NDRG2: variants seen among roughly 807,000 people sequenced by gnomAD.
The protein encoded by NDRG2 is protein NDRG2.
NDRG2 carries 34 observed loss-of-function variants against 58.2 expected under a neutral mutation model. The observed-to-expected ratio is 0.58, with a 90% CI of 0.44 to 0.78. The LOEUF (loss-of-function observed/expected upper bound fraction) is 0.78, where lower values mean the gene tolerates loss of function less well. Ranked by LOEUF, NDRG2 falls within the 30% of genes least tolerant of loss-of-function variation. The pLI is 0.00. For missense variants in NDRG2, 434 were observed against 471.2 expected (o/e 0.92, Z 0.73); for synonymous variants, 187 against 175.9 (o/e 1.06, Z -0.50).
At chr14:21,060,726 T>C (rs1291411960) in intron 1 of NDRG2, among the ~76,000 whole-genome samples, 1 of 151,482 alleles carries the variant, frequency 6.6e-6, no homozygotes, top group East Asian at 1.9e-4. Flanking sequence ...TCTGCCTGGC[T>C]TCCAAACCTG....
intron 1 of NDRG2, among the ~76,000 whole-genome samples, chr14:21,052,646 G>T (rs753391162): frequency 2.0e-5 from 3 of 152,188 alleles, no homozygotes; most frequent in Non-Finnish European, 4.4e-5. Flanking sequence ...TGGGTAGACT[G>T]GACGCAAGGT....
intron 4 of NDRG2, 31 bp downstream of exon 4, chr14:21,022,361 A>T: frequency 3.1e-6 from 5 of 1,591,958 alleles, no homozygotes; most frequent in Non-Finnish European, 4.3e-6. Flanking sequence ...CTCTTCCCAG[A>T]CAGGAGTGGG....
Position 21,017,631 on chromosome 14 carries a change from C to T in NDRG2, c.1081G>A (p.Gly361Arg). ...ACCTCCATGGTGTGCCCCGGGGGCCCCGAAGAAAGAGTTCCAGACTCGCTG... is the reference window on the plus strand; with the variant it reads ...ACCTCCATGGTGTGCCCCGGGGGCCTCGAAGAAAGAGTTCCAGACTCGCTG... The part of the protein sequence containing the change: ...QSSESGTLSS[G>R]PPGHTMEVSC Residue 361 changes from glycine to arginine, a missense_variant, in exon 16 of 16, where the codon GGG becomes AGG. Transcript: ENST00000556147. 1 of 1,613,714 alleles carries T rather than the reference C, an allele frequency of 6.2e-7. No individual in the cohort carries two copies. The highest frequency in any genetic ancestry group is 8.5e-7 in the Non-Finnish European group (1 of 1,179,870).
intron 1 of NDRG2, among the ~76,000 whole-genome samples, chr14:21,052,046 T>C (rs1306384472): frequency 6.6e-6 from 1 of 152,214 alleles, no homozygotes; most frequent in African/African-American, 2.4e-5. Flanking sequence ...TGCTGGCTAC[T>C]TACTAGCACT....
At chr14:21,052,605 G>T (rs1052465931) in intron 1 of NDRG2, among the ~76,000 whole-genome samples, 5 of 152,188 alleles carry the variant, frequency 3.3e-5, no homozygotes, top group African/African-American at 1.2e-4. Flanking sequence ...TTTGTGTTCG[G>T]AGGGAAGATA....
At position 21,063,204 on chromosome 14, in the gene NDRG2, T is replaced by C. The variant is rs116394308; in HGVS notation, c.24+7624A>G. Among the ~76,000 whole-genome samples, 951 of 151,688 alleles carry C rather than the reference T, an allele frequency of 6.3e-3. 12 individuals carry two copies. Among genetic ancestry groups the C allele is most frequent in the African/African-American group, 0.022 (923 of 41,336 alleles). ...TCTTCAGTAAATTAGAGTGCCTGCC[T>C]AAAAGTGGTGTGTATGTGTGTGTGT... is the stretch of plus-strand genomic sequence containing the variant. On this transcript the variant is annotated intron_variant, in intron 1 of 14. Transcript: ENST00000403829.
chr14:21,051,887 C>T (rs1885485413), intron 1 of NDRG2, among the ~76,000 whole-genome samples: 1 of 152,184 alleles, frequency 6.6e-6, no homozygotes. Context: ...GGCCAGCAAA[C>T]CAGGCAAACT....
chr14:21,018,749 A>T lies in NDRG2; in HGVS notation c.813+14T>A. ...AACCCTCCTCCCTCACTCACCCCAA[A>T]ATTCCCTACTAACCACTGCATCTTC... On this transcript the variant is annotated intron_variant, in intron 12 of 15. Transcript: ENST00000556147. 3.1e-6 allele frequency: 5 copies of T among 1,613,872 alleles called. No individual in the cohort carries two copies. Among genetic ancestry groups the T allele is most frequent in the Non-Finnish European group, 4.2e-6 (5 of 1,179,966 alleles).
At chr14:21,042,603 G>A (rs1884951671) in intron 1 of NDRG2, among the ~76,000 whole-genome samples, 1 of 152,038 alleles carries the variant, frequency 6.6e-6, no homozygotes, top group Non-Finnish European at 1.5e-5. Flanking sequence ...TGATGTTGGG[G>A]ATGGAGGCAA....
intron 1 of NDRG2, chr14:21,043,451 CAG>C: frequency 1.3e-6 from 2 of 1,593,312 alleles, no homozygotes; most frequent in Non-Finnish European, 1.7e-6. Flanking sequence ...TACACTTGGA[CAG>C]AGTCCTTTAG....
chr14:21,070,310 G>T lies in NDRG2; in HGVS notation c.24+518C>A. 1 of 1,369,740 alleles carries T rather than the reference G, an allele frequency of 7.3e-7. No individual in the cohort carries two copies. The highest frequency in any genetic ancestry group is 9.4e-7 in the Non-Finnish European group (1 of 1,060,332). The allele number at this position is 1,369,740 out of a possible 1,614,324, so 84.8% of individuals were successfully genotyped here. A position where few individuals can be genotyped will look rare whatever the true frequency, so the allele number is the denominator to read the frequency against. On this transcript the variant is annotated intron_variant, in intron 1 of 14. Coordinates refer to the NDRG2 transcript ENST00000403829. This position sits in a 1 kb window ranked among gnomAD's most constrained non-coding sequence, Gnocchi z 4.7. ...CCGGAGCTGTCCCTTAGCCAGACCCGGCGAGACACGAGCGGCGGGAGGGAG... is the reference window on the plus strand; with the variant it reads ...CCGGAGCTGTCCCTTAGCCAGACCCTGCGAGACACGAGCGGCGGGAGGGAG...
Position 21,058,398 on chromosome 14 carries a change from A to G in NDRG2, c.24+12430T>C, listed in dbSNP as rs773140075. On this transcript the variant is annotated intron_variant, in intron 1 of 14. Transcript: ENST00000403829. ...TTCCACCTCACACTCTGCAGACTGT[A>G]TGCTGCTGCTTTTCCTCCCTCCAGT... 1.9e-5 allele frequency: 27 copies of G among 1,398,120 alleles called. 1 individual carries two copies. In the East Asian group the frequency reaches 4.8e-4, roughly 25 times the overall value. 86.6% of individuals were successfully genotyped at this position (1,398,120 alleles called of 1,614,324 possible).
At chr14:21,034,070 A>G (rs1355384011) in intron 1 of NDRG2, 1 of 1,614,194 alleles carries the variant, frequency 6.2e-7, no homozygotes, top group Non-Finnish European at 8.5e-7. Context: ...CATGTATCAC[A>G]TAATGGATCT....
chr14:21,036,419 C>T (rs1310009721), intron 1 of NDRG2: 6 of 362,612 alleles, frequency 1.7e-5, no homozygotes, highest in Non-Finnish European at 2.2e-5. Flanking sequence ...CTATCACTAA[C>T]GATAGCTGAT....
At chr14:21,018,425 T>C (rs571253363) in intron 13 of NDRG2, 32 bp downstream of exon 13, 4 of 1,613,066 alleles carry the variant, frequency 2.5e-6, no homozygotes, top group South Asian at 2.2e-5. Context: ...GATATATGAC[T>C]GTGGACGGGG....
chr14:21,034,090 C>G (rs745935764), intron 1 of NDRG2: 4 of 1,614,170 alleles, frequency 2.5e-6, no homozygotes, highest in Non-Finnish European at 3.4e-6. Context: ...TTTGGGCAAT[C>G]TGAATTTTGC....
chr14:21,037,394 A>G lies in NDRG2; in HGVS notation c.25-14073T>C, dbSNP rs138229781. Among the ~76,000 whole-genome samples, 465 of 152,378 alleles carry G rather than the reference A, an allele frequency of 3.1e-3. 3 individuals carry two copies. Among genetic ancestry groups the G allele is most frequent in the African/African-American group, 0.01 (426 of 41,590 alleles). On this transcript the variant is annotated intron_variant, in intron 1 of 14. Transcript: ENST00000403829. ...CCATTACACCGGGTTTTACATACACAAGCATTTCCCTAGGGATGAAAAACT... is the reference window on the plus strand; with the variant it reads ...CCATTACACCGGGTTTTACATACACGAGCATTTCCCTAGGGATGAAAAACT...
chr14:21,067,363 T>A (rs1886322799), intron 1 of NDRG2, among the ~76,000 whole-genome samples: 1 of 152,142 alleles, frequency 6.6e-6, no homozygotes, highest in African/African-American at 2.4e-5. Context: ...CAAATTTAAC[T>A]TTTTTAGCCT....
At position 21,024,139 on chromosome 14, in the gene NDRG2, C is replaced by T. The variant is rs1229830387; in HGVS notation, c.-116G>A. The T allele has an allele frequency of 1.0e-6, 1 of 985,324 alleles. No homozygotes were observed. The highest frequency in any genetic ancestry group is 6.1e-5 in the Admixed American group (1 of 16,262). The allele number at this position is 985,324 out of a possible 1,614,324, so 61.0% of individuals were successfully genotyped here. ...CGAGGTGAATGACATGGGAGACAGA[C>T]CTGGGGTCTTTCAGGGACGGAAAGC... On this transcript the variant is annotated 5_prime_UTR_variant, in exon 1 of 16. Coordinates refer to ENST00000556147, the MANE Select transcript of NDRG2 (RefSeq NM_001320329.2).
Sources: allele counts gnomAD v4.1 joint callset (sites outside exome capture counted in the v4.1 genomes callset), GRCh38; gene constraint gnomAD v4.1.1; non-coding constraint Gnocchi (gnomAD v3.1); transcripts MANE v1.5; gene names NCBI Gene and HGNC (gene_info 2026-07-23, HGNC 2026-07-21).